The following NEO1 variants were observed in gnomAD, a reference collection of about 807,000 sequenced individuals.
NEO1 encodes neogenin 1.
In NEO1, 63 loss-of-function variants were observed where a neutral mutation model predicts 159.7. The ratio of observed to expected loss-of-function variants is 0.39; its 90% CI spans 0.32 to 0.49. The LOEUF is 0.49. Among genes scored for constraint, NEO1 ranks in the 20% least tolerant of loss-of-function variants. The pLI is 0.85. For missense variants in NEO1, 1,615 were observed against 1,831.0 expected, an observed-to-expected ratio of 0.88 and a Z score of 2.15; for synonymous variants, 633 against 662.0, an observed-to-expected ratio of 0.96 and a Z score of 0.67.
intron 8 of NEO1, among the ~76,000 whole-genome samples, chr15:73,240,536 G>A (rs1485280152): frequency 6.6e-6 from 1 of 152,232 alleles, no homozygotes; most frequent in Non-Finnish European, 1.5e-5. Flanking sequence ...TGGAATGCCA[G>A]TGAGAATTTG....
At chr15:73,143,316 G>T (rs2032582076) in intron 5 of NEO1, 1 of 156,158 alleles carries the variant, frequency 6.4e-6, no homozygotes. Flanking sequence ...ATAGTCTAGA[G>T]ATACATTCAG....
chr15:73,163,070 C>T (rs1344323952), intron 5 of NEO1: 3 of 152,152 alleles, frequency 2.0e-5, no homozygotes, highest in African/African-American at 7.2e-5. Flanking sequence ...ACATATTTTT[C>T]TTCCTAAAGG....
intron 4 of NEO1, among the ~76,000 whole-genome samples, chr15:73,132,464 T>G (rs1026043910): frequency 2.6e-5 from 4 of 152,150 alleles, no homozygotes; most frequent in African/African-American, 9.7e-5. Context: ...AAAACTCTTC[T>G]AGACATTGGC....
At chr15:73,197,903 A>G (rs1192318156) in intron 7 of NEO1, among the ~76,000 whole-genome samples, 1 of 151,428 alleles carries the variant, frequency 6.6e-6, no homozygotes, top group Non-Finnish European at 1.5e-5. Flanking sequence ...CTGGTCTCGA[A>G]CTCCTGACCT....
chr15:73,061,244 G>C (rs774183414), intron 1 of NEO1, among the ~76,000 whole-genome samples: 11 of 152,182 alleles, frequency 7.2e-5, no homozygotes. Flanking sequence ...TAAAATAAGC[G>C]TAAGAACACA....
At chr15:73,209,294 C>T (rs1250297024) in intron 7 of NEO1, among the ~76,000 whole-genome samples, 1 of 152,170 alleles carries the variant, frequency 6.6e-6, no homozygotes, top group Non-Finnish European at 1.5e-5. Flanking sequence ...TTTTCAGTGG[C>T]TCCTTTACAT....
chr15:73,221,278 C>T (rs2038242553), intron 7 of NEO1, among the ~76,000 whole-genome samples: 2 of 152,166 alleles, frequency 1.3e-5, no homozygotes, highest in Non-Finnish European at 2.9e-5. Context: ...TCTGATTGTT[C>T]CTCTGGAAGT....
chr15:73,270,899 A>G (rs182114773), intron 18 of NEO1, among the ~76,000 whole-genome samples: 12 of 152,352 alleles, frequency 7.9e-5, no homozygotes, highest in African/African-American at 2.6e-4. Context: ...GTAAGTGGAC[A>G]CGAGAGGGAA....
chr15:73,257,309 A>G (rs1249574808), intron 13 of NEO1, among the ~76,000 whole-genome samples: 1 of 150,814 alleles, frequency 6.6e-6, no homozygotes, highest in East Asian at 1.9e-4. Context: ...TGAGGAGATT[A>G]TTCATTTTCT....
At chr15:73,185,998 C>A (rs1254689764) in intron 7 of NEO1, among the ~76,000 whole-genome samples, 1 of 151,526 alleles carries the variant, frequency 6.6e-6, no homozygotes, top group Non-Finnish European at 1.5e-5. Flanking sequence ...AAACTAAATA[C>A]CATGATGATG....
At chr15:73,146,986 G>T (rs2032954535) in intron 5 of NEO1, among the ~76,000 whole-genome samples, 1 of 152,192 alleles carries the variant, frequency 6.6e-6, no homozygotes, top group African/African-American at 2.4e-5. Context: ...GATTTGTGGT[G>T]CCACTAAGAG....
Position 73,066,342 on chromosome 15 carries a change from T to A in NEO1, c.130+13537T>A, listed in dbSNP as rs868327919. 3.3e-3 allele frequency among the ~76,000 whole-genome samples: 487 copies of A among 145,798 alleles called. 2 individuals are homozygous for A. The highest frequency in any genetic ancestry group is 0.011 in the African/African-American group (423 of 37,898). ...CCTCTTTTTTTTTTTTTTTTTTTTT[T>A]AAATAGTTTGCAGGTCTCTGCTGAA... On this transcript the variant is annotated intron_variant, in intron 1 of 28. Transcript: ENST00000261908.
chr15:73,054,921 A>G (rs1015952439), intron 1 of NEO1, among the ~76,000 whole-genome samples: 1 of 152,156 alleles, frequency 6.6e-6, no homozygotes, highest in Non-Finnish European at 1.5e-5. Context: ...AGACTTATAA[A>G]TCTTTTTATA....
intron 7 of NEO1, among the ~76,000 whole-genome samples, chr15:73,221,520 C>T (rs1402159937): frequency 6.6e-6 from 1 of 152,240 alleles, no homozygotes; most frequent in Non-Finnish European, 1.5e-5. Context: ...TGTCTGTGCC[C>T]TGCCCCCAGA....
intron 3 of NEO1, among the ~76,000 whole-genome samples, chr15:73,124,849 A>G (rs1370020576): frequency 3.9e-5 from 6 of 152,184 alleles, no homozygotes; most frequent in African/African-American, 1.4e-4. Flanking sequence ...TGCCAAAAAC[A>G]CTTTCTGGCA....
At chr15:73,280,350 G>A (rs898868324) in intron 22 of NEO1, among the ~76,000 whole-genome samples, 1 of 151,896 alleles carries the variant, frequency 6.6e-6, no homozygotes, top group Non-Finnish European at 1.5e-5. Context: ...CATATATATT[G>A]TCCCTGGTAG....
intron 1 of NEO1, among the ~76,000 whole-genome samples, chr15:73,071,607 A>T (rs2068535757): frequency 6.6e-6 from 1 of 152,152 alleles, no homozygotes; most frequent in Admixed American, 6.5e-5. Flanking sequence ...AGCTTACTGC[A>T]GCCTTGACCT....
At chr15:73,058,531 C>T (rs998378101) in intron 1 of NEO1, among the ~76,000 whole-genome samples, 38 of 152,080 alleles carry the variant, frequency 2.5e-4, no homozygotes, top group Non-Finnish European at 4.7e-4. Flanking sequence ...TGAACATATT[C>T]TTTCTATATT....
Position 73,097,776 on chromosome 15 carries a change from CTTTTTTTTTTT to C in NEO1, c.131-18752_131-18742del, listed in dbSNP as rs34165169. 1.4e-3 allele frequency among the ~76,000 whole-genome samples: 108 copies of C among 75,548 alleles called. 1 individual carries two copies. Among genetic ancestry groups the C allele is most frequent in the Non-Finnish European group, 1.3e-3 (61 of 45,434 alleles). The allele number at this position is 75,548 out of a possible 152,430, so 49.6% of individuals were successfully genotyped here. On this transcript the variant is annotated intron_variant, in intron 1 of 28. Transcript: ENST00000261908. Reference sequence around the variant, plus strand: ...TTCTAATCCCAGACCTGGAACTAGCCTTTTTTTTTTTTTTTTTTTTTTGTAAGTTCTTTTCA... The same window carrying C: ...TTCTAATCCCAGACCTGGAACTAGCCTTTTTTTTTTTGTAAGTTCTTTTCA...
Sources: allele counts gnomAD v4.1 joint callset (sites outside exome capture counted in the v4.1 genomes callset), GRCh38; gene constraint gnomAD v4.1.1; transcripts MANE v1.5; gene names NCBI Gene and HGNC (gene_info 2026-07-23, HGNC 2026-07-21).